ACY3: variants seen among roughly 807,000 people sequenced by gnomAD.
The protein encoded by ACY3 is aminoacylase 3.
ACY3 carries 20 observed loss-of-function variants against 24.6 expected under a neutral mutation model. The ratio of observed to expected loss-of-function variants is 0.81; its 90% confidence interval spans 0.57 to 1.18. ACY3 has a LOEUF of 1.18. ACY3 is among the 50% of genes most tolerant of loss of function. The pLI is 0.00. For synonymous variants in ACY3, 174 were observed against 188.4 expected, an observed-to-expected ratio of 0.92 and a Z score of 0.62; for missense variants, 423 against 426.8, an observed-to-expected ratio of 0.99 and a Z score of 0.08.
intron 1 of ACY3, among the ~76,000 whole-genome samples, chr11:67,649,196 C>G (rs1299179699): frequency 6.6e-6 from 1 of 152,092 alleles, no homozygotes; most frequent in Non-Finnish European, 1.5e-5. Context: ...GTCTCAGGGA[C>G]CCCCATGCTG....
chr11:67,645,593 G>A (rs77248329), intron 4 of ACY3, 99 bp downstream of exon 4: 83,292 of 1,426,218 alleles, frequency 0.058, 2,821 homozygotes, highest in Middle Eastern at 0.075. Context: ...CTAGGCCCGG[G>A]GAAGAGGGGC....
At chr11:67,644,984 AC>A (rs34359416) in intron 6 of ACY3, 60 bp downstream of exon 6, 1 of 1,591,106 alleles carries the variant, frequency 6.3e-7, no homozygotes, top group Non-Finnish European at 8.6e-7. Context: ...TGGCTCCCCA[AC>A]CCCTGAGCCA....
chr11:67,646,489 T>A (rs1347286170), intron 3 of ACY3, among the ~76,000 whole-genome samples: 2 of 152,174 alleles, frequency 1.3e-5, no homozygotes, highest in South Asian at 4.1e-4. Context: ...TGACTATTCA[T>A]TGGAAGGAGG....
At chr11:67,643,147 G>C (rs982620201) in intron 7 of ACY3, among the ~76,000 whole-genome samples, 1 of 152,240 alleles carries the variant, frequency 6.6e-6, no homozygotes, top group Non-Finnish European at 1.5e-5. Flanking sequence ...ACCTTGGGGT[G>C]GCATGTGCCC....
At chr11:67,649,774 C>T (rs941394913) in intron 1 of ACY3, among the ~76,000 whole-genome samples, 5 of 142,020 alleles carry the variant, frequency 3.5e-5, no homozygotes, top group Admixed American at 7.0e-5. Flanking sequence ...TGCATGTGTG[C>T]GTGTGTACGT....
At chr11:67,645,931 T>A (rs1217751055) in intron 3 of ACY3, 44 bp from the exon 4 acceptor site, 1 of 1,532,692 alleles carries the variant, frequency 6.5e-7, no homozygotes, top group South Asian at 1.3e-5. Flanking sequence ...ACAGTCTCAG[T>A]CAGTCTTCAG....
rs1485075024 is a variant in ACY3, at chr11:67,645,361, G to A, written c.452C>T (p.Ser151Phe). The A allele has an allele frequency of 6.2e-7, 1 of 1,613,584 alleles. No homozygotes were observed. Reference sequence around the variant, plus strand: ...CCGCTGGTACAGGAAGACCTGGCAGGACAGCTCGGGGTACTGCAGCTGGGG... The same window carrying A: ...CCGCTGGTACAGGAAGACCTGGCAGAACAGCTCGGGGTACTGCAGCTGGGG... ...RHLQLQYPEL[S>F]CQVFLYQRSG... is the part of the protein sequence containing the mutation. Residue 151 changes from serine (S) to phenylalanine (F), a missense_variant, in exon 5 of 8, where the codon TCC becomes TTC. Transcript: ENST00000255082.
intron 7 of ACY3, among the ~76,000 whole-genome samples, chr11:67,644,040 G>A (rs1284502866): frequency 1.3e-5 from 2 of 152,060 alleles, no homozygotes; most frequent in African/African-American, 4.8e-5. Context: ...ATTGTAGGAG[G>A]AGCCACCCAA....
At chr11:67,644,937 G>T (rs1329365859) in intron 6 of ACY3, 68 bp from the exon 7 acceptor site, 1 of 1,586,028 alleles carries the variant, frequency 6.3e-7, no homozygotes, top group African/African-American at 1.3e-5. Flanking sequence ...GGGCCGTGGG[G>T]GTACGTCAGG....
In ACY3 at chr11:67,642,603, G is replaced by A. The variant is rs2290960; in HGVS notation, c.*121C>T. 1,867 of 1,020,426 alleles carry A rather than the reference G, an allele frequency of 1.8e-3. 32 individuals are homozygous for A. In the East Asian group the frequency reaches 0.036, roughly 19 times the overall value. The allele number at this position is 1,020,426 out of a possible 1,614,324, so 63.2% of individuals were successfully genotyped here. ...AAAGGGAAATTGAGGCCAGGGGTTG[G>A]GGAGGCCTGGCAAGGAACATGGTGC... On this transcript the variant is annotated 3_prime_UTR_variant, in exon 8 of 8. Coordinates refer to ENST00000255082, the MANE Select transcript of ACY3 (RefSeq NM_080658.2).
intron 7 of ACY3, among the ~76,000 whole-genome samples, chr11:67,643,531 A>C (rs1257658619): frequency 1.3e-5 from 2 of 151,842 alleles, no homozygotes; most frequent in Non-Finnish European, 2.9e-5. Flanking sequence ...TACAAAAATT[A>C]GCCAGGTGTG....
In ACY3 at chr11:67,645,728, G is replaced by A. The variant is rs774216129; in HGVS notation, c.396C>T (p.His132=). 13 of 1,612,498 alleles carry A rather than the reference G, an allele frequency of 8.1e-6. No homozygotes were observed. The African/African-American group carries it at 1.3e-4, about 17-fold the overall frequency. The change falls in exon 4 of 8, where the codon CAC becomes CAT. Residue 132 remains histidine, a synonymous_variant. Coordinates refer to ENST00000255082, the MANE Select transcript of ACY3 (RefSeq NM_080658.2). ...GGCACAGGTGCATGGCAAAGACTTCGTGGGAGGACTTCGCGATTAAGCAGG... is the reference window on the plus strand; with the variant it reads ...GGCACAGGTGCATGGCAAAGACTTCATGGGAGGACTTCGCGATTAAGCAGG... ...MGTCLIAKSS[H]EVFAMHLCRH... is the part of the protein sequence containing the mutation.
intron 1 of ACY3, among the ~76,000 whole-genome samples, chr11:67,648,667 G>A (rs1323745335): frequency 2.0e-5 from 3 of 152,180 alleles, no homozygotes; most frequent in Non-Finnish European, 4.4e-5. Context: ...AGGCCCACCA[G>A]CCTGGGGGGC....
At chr11:67,649,657 CAT>C (rs755558170) in intron 1 of ACY3, among the ~76,000 whole-genome samples, 3 of 139,730 alleles carry the variant, frequency 2.1e-5, no homozygotes, top group Non-Finnish European at 4.5e-5. Flanking sequence ...TGCGTGTGTA[CAT>C]GTGTGTGCAT....
Position 67,645,776 on chromosome 11 carries a change from G to A in ACY3, c.348C>T (p.His116=). 6.2e-7 allele frequency: 1 copy of A among 1,614,002 alleles called. No homozygotes were observed. Among genetic ancestry groups the A allele is most frequent in the Non-Finnish European group, 8.5e-7 (1 of 1,179,978 alleles). The part of the protein sequence containing the change: ...GQAFDFVLDL[H]NTTANMGTCL... Reference sequence around the variant, plus strand: ...AGGTGCCCATGTTGGCCGTGGTGTTGTGCAGGTCAAGGACAAAGTCAAAGG... The same window carrying A: ...AGGTGCCCATGTTGGCCGTGGTGTTATGCAGGTCAAGGACAAAGTCAAAGG... Residue 116 remains histidine, a synonymous_variant, in exon 4 of 8, where the codon CAC becomes CAT. Coordinates refer to ENST00000255082, the MANE Select transcript of ACY3 (RefSeq NM_080658.2).
At chr11:67,647,181 G>A (rs1421446751) in intron 2 of ACY3, 118 bp from the exon 3 acceptor site, 2 of 689,534 alleles carry the variant, frequency 2.9e-6, no homozygotes, top group African/African-American at 1.8e-5. Context: ...TGGACAGCTG[G>A]GAGTGTCTCA....
At chr11:67,650,407 A>G (rs1307027288) in intron 1 of ACY3, among the ~76,000 whole-genome samples, 176 bp downstream of exon 1, 5 of 152,204 alleles carry the variant, frequency 3.3e-5, no homozygotes, top group Non-Finnish European at 7.4e-5. Context: ...TGCAAGAAAT[A>G]AAATCCCCTA....
chr11:67,645,498 AC>A, intron 4 of ACY3, 118 bp from the exon 5 acceptor site: 1 of 1,265,538 alleles, frequency 7.9e-7, no homozygotes, highest in Non-Finnish European at 1.1e-6. Flanking sequence ...GTCTCCCTCT[AC>A]CCTCTGGCAG....
intron 1 of ACY3, 27 bp from the exon 2 acceptor site, chr11:67,647,616 G>T (rs1245811928): frequency 6.6e-6 from 1 of 151,670 alleles, no homozygotes; most frequent in Non-Finnish European, 1.5e-5. Context: ...GGGAAGTTTT[G>T]TGGCAAGCTG....
Sources: allele counts gnomAD v4.1 joint callset (sites outside exome capture counted in the v4.1 genomes callset), GRCh38; gene constraint gnomAD v4.1.1; transcripts MANE v1.5; gene names NCBI Gene and HGNC (gene_info 2026-07-23, HGNC 2026-07-21).